The following CA8 variants were observed in gnomAD, a reference collection of about 807,000 sequenced individuals.
CA8 encodes carbonic anhydrase 8 (inactive), also known as carbonic anhydrase-related protein.
CA8 carries 22 observed loss-of-function variants against 41.4 expected under a neutral mutation model. The ratio of observed to expected loss-of-function variants is 0.53; its 90% confidence interval spans 0.38 to 0.76. The LOEUF is 0.76. Ranked by LOEUF, CA8 falls within the 30% of genes least tolerant of loss-of-function variation. The probability of loss-of-function intolerance (pLI) is 0.00; values close to 1 mark genes in which losing one functional copy is unlikely to be tolerated. For synonymous variants in CA8, 121 were observed against 130.6 expected, an observed-to-expected ratio of 0.93 and a Z score of 0.50; for missense variants, 270 against 352.8, an observed-to-expected ratio of 0.77 and a Z score of 1.88.
rs1485997036 is a variant in CA8 at position 60,186,744 on chromosome 8, A to G, written c.*3277T>C. Reference sequence around the variant, plus strand: ...ACATCATACAAATAGCAACTATAAGAAAGCTGGGGCAGCTATATTAATATC... The same window carrying G: ...ACATCATACAAATAGCAACTATAAGGAAGCTGGGGCAGCTATATTAATATC... On this transcript the variant is annotated 3_prime_UTR_variant, in exon 9 of 9. Transcript: ENST00000317995. 6.6e-6 allele frequency among the ~76,000 whole-genome samples: 1 copy of G among 152,008 alleles called. No individual in the cohort carries two copies.
At chr8:60,247,198 A>C (rs897022104) in intron 3 of CA8, among the ~76,000 whole-genome samples, 11 of 152,092 alleles carry the variant, frequency 7.2e-5, no homozygotes, top group African/African-American at 2.4e-4. Flanking sequence ...CGGCTTTTAC[A>C]GTGACCACTT....
intron 8 of CA8, among the ~76,000 whole-genome samples, chr8:60,192,586 C>T (rs181595637): frequency 6.6e-4 from 100 of 152,158 alleles, no homozygotes; most frequent in African/African-American, 2.0e-3. Context: ...TCATCTGTTC[C>T]GTATTCCCAA....
rs2033054078 is a variant in CA8 at position 60,185,748 on chromosome 8, A to C, written c.*4273T>G. 1.3e-5 allele frequency among the ~76,000 whole-genome samples: 2 copies of C among 152,246 alleles called. No homozygotes were observed. Among genetic ancestry groups the C allele is most frequent in the South Asian group, 4.2e-4 (2 of 4,818 alleles). On this transcript the variant is annotated 3_prime_UTR_variant, in exon 9 of 9. Coordinates refer to ENST00000317995, the MANE Select transcript of CA8 (RefSeq NM_004056.6). The stretch of plus-strand genomic sequence containing the variant: ...AATAAAGATAGCCCATATAAACAAA[A>C]ACTAAAGATTTGTCCCTATCAGATT...
chr8:60,231,058 A>T (rs1045554178), intron 4 of CA8, among the ~76,000 whole-genome samples: 2 of 152,116 alleles, frequency 1.3e-5, no homozygotes, highest in Non-Finnish European at 1.5e-5. Flanking sequence ...AATTTCTCAG[A>T]TTTAGATATT....
intron 8 of CA8, among the ~76,000 whole-genome samples, chr8:60,207,696 T>TA (rs1563524570): frequency 6.6e-6 from 1 of 152,218 alleles, no homozygotes; most frequent in Non-Finnish European, 1.5e-5. Context: ...GTTCCTATTC[T>TA]AGTGTCCAAG....
rs146556820 is a variant in CA8 at position 60,266,690 on chromosome 8, A to T, written c.293-641T>A. Among the ~76,000 whole-genome samples the T allele has an allele frequency of 2.5e-3, 380 of 152,308 alleles. 2 individuals are homozygous for T. The highest frequency in any genetic ancestry group is 3.7e-3 in the Non-Finnish European group (250 of 68,012). On this transcript the variant is annotated intron_variant, in intron 2 of 8. Coordinates refer to ENST00000317995, the MANE Select transcript of CA8 (RefSeq NM_004056.6). ...CCACAGGACCATGTCTCTATTTCTC[A>T]TTGCTGGATATGATCAAGACCTTTA...
In CA8 at chr8:60,276,181, C is replaced by T. The variant is rs533129333; in HGVS notation, c.292+3508G>A. The stretch of plus-strand genomic sequence containing the variant: ...GATGGCACGGCATCCAGAAAACATT[C>T]GATCTAACACAGGAGACAAACGAGG... On this transcript the variant is annotated intron_variant, in intron 2 of 8. Coordinates refer to ENST00000317995, the MANE Select transcript of CA8 (RefSeq NM_004056.6). Among the ~76,000 whole-genome samples, 7 of 152,218 alleles carry T rather than the reference C, an allele frequency of 4.6e-5. No homozygotes were observed. In the East Asian group the frequency reaches 1.2e-3, roughly 25 times the overall value.
At chr8:60,263,388 T>C (rs2130588481) in intron 3 of CA8, among the ~76,000 whole-genome samples, 1 of 150,872 alleles carries the variant, frequency 6.6e-6, no homozygotes, top group South Asian at 2.1e-4. Flanking sequence ...TATTTGCTTA[T>C]AGTGTCTGTC....
intron 4 of CA8, among the ~76,000 whole-genome samples, chr8:60,231,084 G>T (rs186231982): frequency 9.3e-4 from 140 of 151,204 alleles, no homozygotes; most frequent in African/African-American, 3.1e-3. Flanking sequence ...AACTTTTCTG[G>T]GTTATAACAG....
At chr8:60,208,628 T>C (rs1806723764) in intron 8 of CA8, 122 bp downstream of exon 8, 2 of 840,048 alleles carry the variant, frequency 2.4e-6, no homozygotes, top group African/African-American at 1.7e-5. Flanking sequence ...TGTCATAAAT[T>C]TTATCAAGAT....
chr8:60,206,591 C>T (rs1222460180), intron 8 of CA8, among the ~76,000 whole-genome samples: 1 of 151,488 alleles, frequency 6.6e-6, no homozygotes, highest in Non-Finnish European at 1.5e-5. Context: ...GCCTCTTGGC[C>T]TCTCCTGTGA....
intron 5 of CA8, among the ~76,000 whole-genome samples, chr8:60,225,269 G>T (rs1807391765): frequency 6.6e-6 from 1 of 152,106 alleles, no homozygotes; most frequent in Non-Finnish European, 1.5e-5. Flanking sequence ...CCTGTCATGT[G>T]ACTCAGATGT....
intron 3 of CA8, among the ~76,000 whole-genome samples, chr8:60,237,994 T>C (rs1312210445): frequency 6.6e-6 from 1 of 152,204 alleles, no homozygotes; most frequent in Non-Finnish European, 1.5e-5. Flanking sequence ...TGATGCATCC[T>C]TTTACAGCTT....
In CA8 at chr8:60,188,191, C is replaced by T. The variant is rs971572656; in HGVS notation, c.*1830G>A. 1 of 152,082 alleles carries T rather than the reference C, an allele frequency of 6.6e-6. No homozygotes were observed. The highest frequency in any genetic ancestry group is 1.5e-5 in the Non-Finnish European group (1 of 68,020). 9.4% of individuals were successfully genotyped at this position (152,082 alleles called of 1,614,324 possible). ...AGACATAAACACACATACACACACA[C>T]CTGTGAAGGGTGAAGTCTGAACAAC... On this transcript the variant is annotated 3_prime_UTR_variant, in exon 9 of 9. Transcript: ENST00000317995.
intron 3 of CA8, among the ~76,000 whole-genome samples, chr8:60,232,961 T>A (rs760018567): frequency 4.4e-4 from 67 of 152,186 alleles, no homozygotes; most frequent in Non-Finnish European, 8.8e-4. Flanking sequence ...GCACTGGCGA[T>A]AAAATTTTAT....
intron 6 of CA8, 30 bp from the exon 7 acceptor site, chr8:60,222,791 A>C: frequency 7.5e-7 from 1 of 1,340,274 alleles, no homozygotes; most frequent in Admixed American, 1.7e-5. Flanking sequence ...TGTAATGGAA[A>C]AGGCAAGTGA....
chr8:60,281,019 C>T (rs1207066799), intron 1 of CA8, 29 bp downstream of exon 1: 2 of 1,543,698 alleles, frequency 1.3e-6, no homozygotes, highest in East Asian at 2.2e-5. Context: ...GCCGCGGGAC[C>T]CCGGACACCC....
intron 3 of CA8, among the ~76,000 whole-genome samples, chr8:60,237,017 C>T (rs534250285): frequency 2.2e-4 from 33 of 152,282 alleles, no homozygotes; most frequent in South Asian, 6.2e-4. Context: ...AAAGCCTAAC[C>T]GCCCAGATAT....
At chr8:60,230,968 G>A (rs966997891) in intron 4 of CA8, among the ~76,000 whole-genome samples, 4 of 152,000 alleles carry the variant, frequency 2.6e-5, no homozygotes, top group Non-Finnish European at 5.9e-5. Flanking sequence ...ATATGAATAT[G>A]TGGTTATTTG....
Sources: gnomAD v4.1 joint callset for allele counts (sites outside exome capture counted in the v4.1 genomes callset) on GRCh38, gnomAD v4.1.1 for gene constraint, MANE v1.5 for transcripts, NCBI Gene and HGNC (gene_info 2026-07-23, HGNC 2026-07-21) for gene names.